MYO5B: variants seen among roughly 807,000 people sequenced by gnomAD.
The protein encoded by MYO5B is myosin VB.
Under a neutral mutation model 229.3 loss-of-function variants are expected in MYO5B, and 143 were observed. The observed-to-expected ratio is 0.62, with a 90% confidence interval of 0.54 to 0.72. The LOEUF is 0.72. MYO5B is among the 30% of genes least tolerant of loss of function. The pLI is 0.00. For synonymous variants in MYO5B, 918 were observed against 885.2 expected (o/e 1.04, Z -0.66); for missense variants, 2,321 against 2,331.0 (o/e 1.00, Z 0.09).
At chr18:49,980,243 T>A (rs547138969) in intron 9 of MYO5B, among the ~76,000 whole-genome samples, 8 of 152,322 alleles carry the variant, frequency 5.3e-5, no homozygotes, top group South Asian at 2.1e-4. Flanking sequence ...ACATTCCCTG[T>A]CCTCGGCAAC....
intron 1 of MYO5B, among the ~76,000 whole-genome samples, chr18:50,187,355 G>A (rs1309255254): frequency 1.3e-5 from 2 of 152,216 alleles, no homozygotes; most frequent in Non-Finnish European, 2.9e-5. Context: ...TGATCCGTCA[G>A]TAACAGGACA....
intron 1 of MYO5B, among the ~76,000 whole-genome samples, chr18:50,118,479 A>G (rs2032002725): frequency 6.6e-6 from 1 of 152,256 alleles, no homozygotes; most frequent in Non-Finnish European, 1.5e-5. Flanking sequence ...GAAGGGCTTA[A>G]CTACAGCACA....
At chr18:49,923,758 A>G (rs771980208) in intron 17 of MYO5B, among the ~76,000 whole-genome samples, 1 of 152,184 alleles carries the variant, frequency 6.6e-6, no homozygotes, top group Non-Finnish European at 1.5e-5. Flanking sequence ...TTATTGAACA[A>G]TTCATTCTGT....
chr18:50,163,314 C>T (rs76017925), intron 1 of MYO5B, among the ~76,000 whole-genome samples: 5,108 of 152,326 alleles, frequency 0.034, 284 homozygotes, highest in African/African-American at 0.12. Flanking sequence ...GAGCTCGGCT[C>T]GTTCATGTCA....
chr18:49,901,977 G>A (rs2024846712), intron 21 of MYO5B, among the ~76,000 whole-genome samples: 1 of 152,238 alleles, frequency 6.6e-6, no homozygotes, highest in Non-Finnish European at 1.5e-5. Flanking sequence ...CACACCAGCT[G>A]CTGCTGCATT....
At chr18:49,931,979 C>T (rs1598891559) in intron 16 of MYO5B, among the ~76,000 whole-genome samples, 1 of 152,242 alleles carries the variant, frequency 6.6e-6, no homozygotes, top group Non-Finnish European at 1.5e-5. Context: ...CCATTGCACA[C>T]ACCAGGGATG....
chr18:49,844,278 T>C (rs2024098610), intron 33 of MYO5B, among the ~76,000 whole-genome samples: 1 of 152,158 alleles, frequency 6.6e-6, no homozygotes, highest in Non-Finnish European at 1.5e-5. Flanking sequence ...GCCAGAGAAC[T>C]AGGGGGAAAG....
chr18:49,903,142 C>T (rs1210559461), intron 20 of MYO5B, among the ~76,000 whole-genome samples: 1 of 152,132 alleles, frequency 6.6e-6, no homozygotes, highest in African/African-American at 2.4e-5. Flanking sequence ...AATGATCATC[C>T]ACTTGCTCTC....
At chr18:49,978,821 A>AGGGTGTT (rs771587324) in intron 9 of MYO5B, among the ~76,000 whole-genome samples, 4 of 151,886 alleles carry the variant, frequency 2.6e-5, no homozygotes, top group Non-Finnish European at 4.4e-5. Context: ...GGGGAGGAGC[A>AGGGTGTT]GGGTGTTGGG....
At chr18:49,947,735 A>C (rs775433310) in intron 14 of MYO5B, among the ~76,000 whole-genome samples, 6 of 152,092 alleles carry the variant, frequency 3.9e-5, no homozygotes, top group Non-Finnish European at 7.4e-5. Flanking sequence ...AGACAAACCA[A>C]TATTTTCCTG....
intron 14 of MYO5B, among the ~76,000 whole-genome samples, chr18:49,938,628 T>C (rs1469278255): frequency 1.3e-5 from 2 of 152,046 alleles, no homozygotes; most frequent in African/African-American, 2.4e-5. Flanking sequence ...TCTCCTGCCA[T>C]TGTGTCTGAA....
At chr18:50,078,898 T>C (rs772498783) in intron 1 of MYO5B, among the ~76,000 whole-genome samples, 41 of 152,212 alleles carry the variant, frequency 2.7e-4, no homozygotes, top group Non-Finnish European at 5.1e-4. Context: ...CACAGCAGCA[T>C]ACTATACAGC....
intron 4 of MYO5B, among the ~76,000 whole-genome samples, chr18:50,010,166 A>T (rs2026146756): frequency 6.6e-6 from 1 of 152,244 alleles, no homozygotes; most frequent in Non-Finnish European, 1.5e-5. Context: ...AGTGTAAGAG[A>T]TAAGTACTTA....
At chr18:50,105,789 G>A (rs572128444) in intron 1 of MYO5B, among the ~76,000 whole-genome samples, 1 of 152,170 alleles carries the variant, frequency 6.6e-6, no homozygotes, top group African/African-American at 2.4e-5. Context: ...GTATGGAGCT[G>A]GGCTGGACAA....
At chr18:49,909,454 T>C (rs1568027224) in intron 18 of MYO5B, among the ~76,000 whole-genome samples, 2 of 152,200 alleles carry the variant, frequency 1.3e-5, no homozygotes, top group Non-Finnish European at 2.9e-5. Context: ...TCCTCATCTG[T>C]AAAATGAGGG....
At chr18:50,042,939 G>A (rs1319213666) in intron 2 of MYO5B, among the ~76,000 whole-genome samples, 1 of 152,122 alleles carries the variant, frequency 6.6e-6, no homozygotes, top group Non-Finnish European at 1.5e-5. Context: ...AGAAATGCTG[G>A]CCTCCTCTAG....
At chr18:49,832,760 T>C (rs2023938510) in intron 39 of MYO5B, among the ~76,000 whole-genome samples, 2 of 152,306 alleles carry the variant, frequency 1.3e-5, no homozygotes, top group African/African-American at 4.8e-5. Flanking sequence ...ATTTTAATCA[T>C]TTGAAAAAGT....
At chr18:49,838,871 T>C in intron 36 of MYO5B, among the ~76,000 whole-genome samples, 1 of 152,246 alleles carries the variant, frequency 6.6e-6, no homozygotes, top group East Asian at 1.9e-4. Flanking sequence ...TGAGTTTACA[T>C]TTATTATGTA....
At chr18:50,165,453 C>T (rs1433481593) in intron 1 of MYO5B, among the ~76,000 whole-genome samples, 1 of 151,560 alleles carries the variant, frequency 6.6e-6, no homozygotes, top group Non-Finnish European at 1.5e-5. Context: ...GCATTCCAGC[C>T]TGGGCAACAG....
Sources: gnomAD v4.1 joint callset for allele counts (sites outside exome capture counted in the v4.1 genomes callset) on GRCh38, gnomAD v4.1.1 for gene constraint, MANE v1.5 for transcripts, NCBI Gene and HGNC (gene_info 2026-07-23, HGNC 2026-07-21) for gene names.